PPP3CA: variants seen among roughly 807,000 people sequenced by gnomAD.
The protein encoded by PPP3CA is CAM-PRP catalytic subunit.
In PPP3CA, 14 loss-of-function variants were observed where a neutral mutation model predicts 66.5. The observed-to-expected ratio is 0.21, with a 90% CI of 0.14 to 0.33. The LOEUF (loss-of-function observed/expected upper bound fraction) is 0.33. Ranked by LOEUF, PPP3CA falls within the 10% of genes least tolerant of loss-of-function variation. The pLI, the probability that PPP3CA is intolerant of heterozygous loss-of-function variation, is 1.00. For synonymous variants in PPP3CA, 232 were observed against 226.2 expected (o/e 1.03, Z -0.23); for missense variants, 317 against 639.5 (o/e 0.50, Z 5.44).
chr4:101,181,134 G>A (rs1724223305), intron 2 of PPP3CA, among the ~76,000 whole-genome samples: 1 of 151,862 alleles, frequency 6.6e-6, no homozygotes, highest in African/African-American at 2.4e-5. Flanking sequence ...AAATAATATT[G>A]GTAAGTACTT....
At chr4:101,150,685 T>C (rs888837931) in intron 2 of PPP3CA, among the ~76,000 whole-genome samples, 10 of 152,208 alleles carry the variant, frequency 6.6e-5, no homozygotes, top group African/African-American at 2.4e-4. Context: ...TTATGTATGA[T>C]ACACAGTATA....
intron 7 of PPP3CA, 116 bp from the exon 8 acceptor site, chr4:101,080,742 A>G: frequency 2.0e-6 from 1 of 489,230 alleles, no homozygotes; most frequent in Non-Finnish European, 3.4e-6. Context: ...AAGGGCCTCC[A>G]ATCATATAAC....
At chr4:101,048,703 T>C (rs1352761936) in intron 10 of PPP3CA, among the ~76,000 whole-genome samples, 1 of 152,058 alleles carries the variant, frequency 6.6e-6, no homozygotes, top group Non-Finnish European at 1.5e-5. Context: ...ATCCTTCCCA[T>C]AGGTGATAAA....
At chr4:101,066,353 TTAAG>T (rs1351555267) in intron 8 of PPP3CA, among the ~76,000 whole-genome samples, 3 of 152,276 alleles carry the variant, frequency 2.0e-5, no homozygotes, top group African/African-American at 7.2e-5. Context: ...CTTAATATCT[TTAAG>T]TCTCAGTTAC....
intron 1 of PPP3CA, among the ~76,000 whole-genome samples, chr4:101,283,272 T>C (rs1352731908): frequency 6.6e-6 from 1 of 152,182 alleles, no homozygotes; most frequent in South Asian, 2.1e-4. Context: ...ATGTGGCAAA[T>C]AATTTCGTGA....
At chr4:101,173,352 T>C (rs1355642897) in intron 2 of PPP3CA, among the ~76,000 whole-genome samples, 1 of 151,814 alleles carries the variant, frequency 6.6e-6, no homozygotes, top group Non-Finnish European at 1.5e-5. Context: ...GCAAACCTAG[T>C]GGTTCACAAT....
intron 1 of PPP3CA, among the ~76,000 whole-genome samples, chr4:101,275,717 G>T (rs542011865): frequency 2.6e-5 from 4 of 152,114 alleles, no homozygotes; most frequent in African/African-American, 7.2e-5. Context: ...CTAAGCAAAT[G>T]ATAGTCTACC....
intron 8 of PPP3CA, among the ~76,000 whole-genome samples, chr4:101,067,117 C>T (rs1728714730): frequency 1.3e-5 from 2 of 152,094 alleles, no homozygotes; most frequent in African/African-American, 4.8e-5. Flanking sequence ...AATAAATGCT[C>T]TTCTGTTGTA....
chr4:101,261,513 C>T (rs918113546), intron 1 of PPP3CA, among the ~76,000 whole-genome samples: 3 of 152,024 alleles, frequency 2.0e-5, no homozygotes, highest in Admixed American at 6.6e-5. Flanking sequence ...AAGACATTTT[C>T]CAAACATCTG....
At chr4:101,177,941 T>C (rs1200960417) in intron 2 of PPP3CA, among the ~76,000 whole-genome samples, 1 of 152,094 alleles carries the variant, frequency 6.6e-6, no homozygotes, top group Non-Finnish European at 1.5e-5. Flanking sequence ...TATATATCCA[T>C]CCATTTACAG....
intron 1 of PPP3CA, among the ~76,000 whole-genome samples, chr4:101,305,652 T>C (rs1728510687): frequency 6.6e-6 from 1 of 152,130 alleles, no homozygotes; most frequent in South Asian, 2.1e-4. Context: ...GTAAATGAAA[T>C]CTATATCCTT....
At chr4:101,055,099 C>T (rs903309704) in intron 10 of PPP3CA, among the ~76,000 whole-genome samples, 3 of 151,974 alleles carry the variant, frequency 2.0e-5, no homozygotes, top group African/African-American at 7.2e-5. Context: ...ATCTCAGTGC[C>T]TATGATTTTA....
chr4:101,334,181 C>T (rs1208082017), intron 1 of PPP3CA, among the ~76,000 whole-genome samples: 3 of 151,672 alleles, frequency 2.0e-5, no homozygotes, highest in Admixed American at 2.0e-4. Flanking sequence ...GTCGCCCAGG[C>T]TTGAGTGCAA....
At chr4:101,335,526 C>T (rs1362504064) in intron 1 of PPP3CA, among the ~76,000 whole-genome samples, 6 of 147,672 alleles carry the variant, frequency 4.1e-5, no homozygotes, top group Non-Finnish European at 7.4e-5. Context: ...ACTGTTAAAA[C>T]GCGTCTGCTA....
intron 2 of PPP3CA, among the ~76,000 whole-genome samples, chr4:101,121,682 A>C (rs1043775552): frequency 6.6e-6 from 1 of 152,164 alleles, no homozygotes; most frequent in South Asian, 2.1e-4. Context: ...AATTAAAAAA[A>C]ATAGTCATTA....
chr4:101,253,939 C>G (rs1434369771), intron 1 of PPP3CA, among the ~76,000 whole-genome samples: 1 of 151,998 alleles, frequency 6.6e-6, no homozygotes, highest in Admixed American at 6.6e-5. Flanking sequence ...TACAGGAAGT[C>G]ACTTGAACTC....
intron 2 of PPP3CA, among the ~76,000 whole-genome samples, chr4:101,149,587 A>C (rs1442935908): frequency 1.3e-5 from 2 of 152,178 alleles, no homozygotes; most frequent in African/African-American, 4.8e-5. Context: ...TTAGGTACTA[A>C]AAATCCAACA....
At chr4:101,152,474 A>G (rs1723174446) in intron 2 of PPP3CA, among the ~76,000 whole-genome samples, 1 of 152,256 alleles carries the variant, frequency 6.6e-6, no homozygotes, top group Non-Finnish European at 1.5e-5. Context: ...ATTCTAATGT[A>G]GTAGGTGCTG....
At chr4:101,105,081 A>G (rs1218023023) in intron 3 of PPP3CA, among the ~76,000 whole-genome samples, 2 of 152,178 alleles carry the variant, frequency 1.3e-5, no homozygotes, top group Non-Finnish European at 2.9e-5. Context: ...CATAGTTCAA[A>G]TATCTAGATT....
Sources: allele counts gnomAD v4.1 joint callset (sites outside exome capture counted in the v4.1 genomes callset), GRCh38; gene constraint gnomAD v4.1.1; transcripts MANE v1.5; gene names NCBI Gene and HGNC (gene_info 2026-07-23, HGNC 2026-07-21).